Variants in LDLRAD4 observed in about 807,000 individuals in gnomAD.
LDLRAD4 encodes the protein low density lipoprotein receptor class A domain containing 4.
Under a neutral mutation model 17.0 loss-of-function variants are expected in LDLRAD4, and 5 were observed. The observed-to-expected ratio is 0.29, with a 90% CI of 0.15 to 0.62. LDLRAD4 has a LOEUF of 0.62. LDLRAD4 is among the 20% of genes least tolerant of loss of function. LDLRAD4 has a pLI of 0.84. For synonymous variants in LDLRAD4, 168 were observed against 171.8 expected (o/e 0.98, Z 0.17); for missense variants, 340 against 424.7 (o/e 0.80, Z 1.75).
At chr18:13,616,642 C>G (rs2040110358) in intron 3 of LDLRAD4, among the ~76,000 whole-genome samples, 1 of 152,202 alleles carries the variant, frequency 6.6e-6, no homozygotes, top group South Asian at 2.1e-4. Context: ...AGCCAGGGAC[C>G]AAGCTGCTGC....
chr18:13,289,529 A>G (rs1019854531), intron 1 of LDLRAD4, among the ~76,000 whole-genome samples: 2 of 152,240 alleles, frequency 1.3e-5, no homozygotes, highest in African/African-American at 4.8e-5. Context: ...TTACAGTTGA[A>G]CAAAAACACC....
chr18:13,397,980 C>T (rs1343542691), intron 2 of LDLRAD4, among the ~76,000 whole-genome samples: 2 of 152,212 alleles, frequency 1.3e-5, no homozygotes. Context: ...GTGTGTGCTC[C>T]CTGAGACAGC....
At chr18:13,544,885 C>CTTTTTTTTTTTTTTTTTTTTTTTTTTTTT (rs58284452) in intron 3 of LDLRAD4, among the ~76,000 whole-genome samples, 5 of 122,854 alleles carry the variant, frequency 4.1e-5, no homozygotes, top group Non-Finnish European at 3.4e-5. Flanking sequence ...GATGGTTTGT[C>CTTTTTTTTTTTTTTTTTTTTTTTTTTTTT]TTTTTTTTTT....
At chr18:13,284,211 C>T (rs1223481535) in intron 1 of LDLRAD4, among the ~76,000 whole-genome samples, 3 of 152,154 alleles carry the variant, frequency 2.0e-5, no homozygotes. Flanking sequence ...GAATGCCAGC[C>T]CGCAGGAAGA....
At chr18:13,537,860 A>T (rs1436764499) in intron 3 of LDLRAD4, among the ~76,000 whole-genome samples, 1 of 152,226 alleles carries the variant, frequency 6.6e-6, no homozygotes, top group Non-Finnish European at 1.5e-5. Flanking sequence ...TATTTAACTG[A>T]TACGGGGCTC....
intron 1 of LDLRAD4, among the ~76,000 whole-genome samples, chr18:13,374,853 C>A (rs1299601324): frequency 1.3e-5 from 2 of 152,186 alleles, no homozygotes; most frequent in Non-Finnish European, 2.9e-5. Flanking sequence ...GGACTCTATC[C>A]CCAAGTGGAC....
Position 13,319,847 on chromosome 18 carries a change from C to T in LDLRAD4, c.-383+41659C>T, listed in dbSNP as rs751245449. Among the ~76,000 whole-genome samples the T allele has an allele frequency of 1.3e-5, 2 of 152,172 alleles. 1 individual carries two copies. The highest frequency in any genetic ancestry group is 4.1e-4 in the South Asian group (2 of 4,832). Reference sequence around the variant, plus strand: ...TCAATATTTCCGGGAACAGTTGCCTCATAGCTCTGAGACTTACGATTTAAA... The same window carrying T: ...TCAATATTTCCGGGAACAGTTGCCTTATAGCTCTGAGACTTACGATTTAAA... On this transcript the variant is annotated intron_variant, in intron 1 of 5. Coordinates refer to ENST00000359446, the Ensembl canonical transcript of LDLRAD4.
intron 3 of LDLRAD4, among the ~76,000 whole-genome samples, chr18:13,501,687 AGAG>A (rs891859487): frequency 2.0e-5 from 3 of 151,824 alleles, no homozygotes; most frequent in Admixed American, 1.3e-4. Context: ...GTCCGGAGTG[AGAG>A]GAGAAACATG....
At chr18:13,446,600 C>T (rs11660443) in intron 3 of LDLRAD4, among the ~76,000 whole-genome samples, 24,622 of 152,250 alleles carry the variant, frequency 0.16, 2,238 homozygotes, top group Admixed American at 0.26. Flanking sequence ...CGATTGTGTC[C>T]TGTCCAGGTA....
At chr18:13,631,881 C>A in intron 4 of LDLRAD4, among the ~76,000 whole-genome samples, 1 of 152,110 alleles carries the variant, frequency 6.6e-6, no homozygotes, top group East Asian at 1.9e-4. Flanking sequence ...GACCTGAGAT[C>A]GTGCCACTGT....
At chr18:13,350,208 T>C (rs1384789534) in intron 1 of LDLRAD4, among the ~76,000 whole-genome samples, 2 of 152,218 alleles carry the variant, frequency 1.3e-5, no homozygotes, top group Non-Finnish European at 2.9e-5. Flanking sequence ...ATCGCCACAC[T>C]GTCTTCCACA....
At chr18:13,511,669 C>T (rs1273282962) in intron 3 of LDLRAD4, among the ~76,000 whole-genome samples, 7 of 152,164 alleles carry the variant, frequency 4.6e-5, no homozygotes, top group Non-Finnish European at 7.3e-5. Flanking sequence ...CTTGAATGGA[C>T]GGGGATGAGA....
chr18:13,271,783 C>T (rs1467880438), intron 1 of LDLRAD4, among the ~76,000 whole-genome samples: 15 of 151,106 alleles, frequency 9.9e-5, no homozygotes, highest in Admixed American at 9.9e-4. Flanking sequence ...ACTGCTTTTG[C>T]TTTGACTGAC....
chr18:13,371,679 C>T (rs1346515901), intron 1 of LDLRAD4, among the ~76,000 whole-genome samples: 4 of 151,914 alleles, frequency 2.6e-5, no homozygotes, highest in African/African-American at 9.7e-5. Context: ...GCAGGAGAAT[C>T]GCCTGAACCC....
At chr18:13,635,321 G>A (rs1842615029) in intron 4 of LDLRAD4, among the ~76,000 whole-genome samples, 2 of 152,106 alleles carry the variant, frequency 1.3e-5, no homozygotes, top group South Asian at 4.1e-4. Context: ...CTTCTTATAA[G>A]GGTACTGGTC....
chr18:13,330,192 C>T (rs1265752478), intron 1 of LDLRAD4, among the ~76,000 whole-genome samples: 1 of 152,168 alleles, frequency 6.6e-6, no homozygotes. Context: ...AGCTCCTGAC[C>T]TCGTGATCCA....
chr18:13,291,403 T>A (rs1278785495), intron 1 of LDLRAD4, among the ~76,000 whole-genome samples: 1 of 152,224 alleles, frequency 6.6e-6, no homozygotes, highest in African/African-American at 2.4e-5. Context: ...AACTATAAAA[T>A]GTTGGCGCTG....
intron 3 of LDLRAD4, chr18:13,521,857 T>C (rs1404727242): frequency 6.7e-6 from 1 of 149,696 alleles, no homozygotes; most frequent in Admixed American, 6.7e-5. Context: ...TGAAATCTAG[T>C]AGCCGTCTCT....
intron 2 of LDLRAD4, among the ~76,000 whole-genome samples, chr18:13,431,426 A>G (rs2090326892): frequency 6.6e-6 from 1 of 152,226 alleles, no homozygotes; most frequent in African/African-American, 2.4e-5. Context: ...AATCACTGTT[A>G]TCCACCCTTT....
Sources: gnomAD v4.1 joint callset for allele counts (sites outside exome capture counted in the v4.1 genomes callset) on GRCh38, gnomAD v4.1.1 for gene constraint, MANE v1.5 for transcripts, NCBI Gene and HGNC (gene_info 2026-07-23, HGNC 2026-07-21) for gene names.